TRIM29: variants seen among roughly 807,000 people sequenced by gnomAD.
TRIM29 encodes tripartite motif-containing protein 29.
Under a neutral mutation model 57.3 loss-of-function variants are expected in TRIM29, and 52 were observed. The observed-to-expected ratio is 0.91, with a 90% confidence interval of 0.73 to 1.14. The LOEUF (loss-of-function observed/expected upper bound fraction) is 1.14, where lower values mean the gene tolerates loss of function less well. Among genes scored for constraint, TRIM29 ranks in the 50% most tolerant of loss-of-function variants. The pLI, the probability that TRIM29 is intolerant of heterozygous loss-of-function variation, is 0.00. For synonymous variants in TRIM29, 319 were observed against 316.9 expected, an observed-to-expected ratio of 1.01 and a Z score of -0.07; for missense variants, 753 against 774.6, an observed-to-expected ratio of 0.97 and a Z score of 0.33.
rs778016626 is a variant in TRIM29, at chr11:120,112,471, G to A, written c.1710C>T (p.His570=). The A allele has an allele frequency of 1.2e-6, 2 of 1,613,708 alleles. No individual in the cohort carries two copies. The highest frequency in any genetic ancestry group is 1.7e-6 in the Non-Finnish European group (2 of 1,179,826). Residue 570 remains histidine (H), a synonymous_variant, in exon 9 of 9, where the codon CAC becomes CAT. Transcript: ENST00000341846. ...WKSGKQTMLS[H]YRPFYVNKGN... is the part of the protein sequence containing the mutation. The stretch of plus-strand genomic sequence containing the variant: ...CTTTGTTGACGTAGAATGGCCGGTA[G>A]TGAGACTGTGGGGGAAACAAGAGTG...
intron 2 of TRIM29, 37 bp from the exon 3 acceptor site, chr11:120,127,606 C>A: frequency 6.3e-7 from 1 of 1,584,352 alleles, no homozygotes; most frequent in Non-Finnish European, 8.6e-7. Context: ...TTAGGCAGGG[C>A]TTTAGTTAGG....
chr11:120,136,963 T>C (rs950605221), intron 1 of TRIM29, among the ~76,000 whole-genome samples: 1 of 152,168 alleles, frequency 6.6e-6, no homozygotes, highest in Non-Finnish European at 1.5e-5. Context: ...GGTCAGGCCC[T>C]CAACCTTTTC....
chr11:120,134,587 G>A (rs1420571016), intron 1 of TRIM29, among the ~76,000 whole-genome samples: 1 of 152,194 alleles, frequency 6.6e-6, no homozygotes, highest in Non-Finnish European at 1.5e-5. Context: ...TCAGTCTCCT[G>A]GCTTCCTGGC....
At chr11:120,119,793 TCC>T (rs1863388115) in intron 6 of TRIM29, among the ~76,000 whole-genome samples, 3 of 151,948 alleles carry the variant, frequency 2.0e-5, no homozygotes, top group African/African-American at 4.8e-5. Flanking sequence ...GCTGACCCAG[TCC>T]CCTCCCTCCC....
intron 4 of TRIM29, 147 bp from the exon 5 acceptor site, chr11:120,123,202 A>G (rs1432756857): frequency 6.9e-6 from 5 of 721,100 alleles, no homozygotes; most frequent in Admixed American, 2.0e-5. Context: ...CTCAGAGAAT[A>G]TGACGCCCTG....
In TRIM29 at chr11:120,137,711, T is replaced by C; in HGVS notation, c.321A>G (p.Ala107=). The stretch of plus-strand genomic sequence containing the variant: ...TCTTGGCAGCCCCCAGCTGGAGCCC[T>C]GCGTACGGCGACCTCTTGCCTTCCA... The part of the protein sequence containing the change: ...DSMEGKRSPY[A]GLQLGAAKKP... The change falls in exon 1 of 9, where the codon GCA becomes GCG. Residue 107 remains alanine (A), a synonymous_variant. Coordinates refer to ENST00000341846, the MANE Select transcript of TRIM29 (RefSeq NM_012101.4). This position sits in a 1 kb window ranked among gnomAD's most constrained non-coding sequence, Gnocchi z 6.2. 1 of 1,612,986 alleles carries C rather than the reference T, an allele frequency of 6.2e-7. No homozygotes were observed. Among genetic ancestry groups the C allele is most frequent in the Non-Finnish European group, 8.5e-7 (1 of 1,179,984 alleles).
chr11:120,128,823 G>T (rs1401990330), intron 1 of TRIM29: 25 of 1,521,574 alleles, frequency 1.6e-5, no homozygotes, highest in Non-Finnish European at 2.1e-5. Context: ...TTTACAGGGT[G>T]CTTGCCCTTT....
At chr11:120,113,102 G>A (rs1415211358) in intron 8 of TRIM29, among the ~76,000 whole-genome samples, 1 of 152,016 alleles carries the variant, frequency 6.6e-6, no homozygotes. Context: ...GCCTCTCTCT[G>A]CATAAATTTC....
Position 120,137,636 on chromosome 11 carries a change from G to A in TRIM29, c.396C>T (p.Phe132=). The change falls in exon 1 of 9, where the codon TTC becomes TTT. Residue 132 remains phenylalanine, a synonymous_variant. Transcript: ENST00000341846. The surrounding 1 kb of genome is among the most constrained non-coding windows in gnomAD (Gnocchi z 6.2). ...ACACCGTGGGCTTCCGGGACTCCGAGAAAATGGACTTGCGCAGCTCGCCCT... is the reference window on the plus strand; with the variant it reads ...ACACCGTGGGCTTCCGGGACTCCGAAAAAATGGACTTGCGCAGCTCGCCCT... ...AEKGELRKSI[F]SESRKPTVSI... is the part of the protein sequence containing the mutation. 1.2e-6 allele frequency: 2 copies of A among 1,613,724 alleles called. No individual in the cohort carries two copies. Among genetic ancestry groups the A allele is most frequent in the Middle Eastern group, 1.6e-4 (1 of 6,062 alleles).
chr11:120,133,950 G>T (rs552264404), intron 1 of TRIM29, among the ~76,000 whole-genome samples: 36 of 152,166 alleles, frequency 2.4e-4, no homozygotes, highest in African/African-American at 8.2e-4. Flanking sequence ...ACAGTGCAGG[G>T]CCCCCCAAGA....
chr11:120,123,462 C>T (rs1271727416), intron 4 of TRIM29: 3 of 458,622 alleles, frequency 6.5e-6, no homozygotes, highest in Non-Finnish European at 1.3e-5. Context: ...TGTCACATGC[C>T]GATAAGGGCA....
chr11:120,125,329 T>C (rs1355804473), intron 4 of TRIM29: 1 of 287,818 alleles, frequency 3.5e-6, no homozygotes, highest in East Asian at 7.8e-5. Context: ...ATCTGGCCCA[T>C]ACTAGTGGCA....
intron 8 of TRIM29, among the ~76,000 whole-genome samples, chr11:120,113,118 C>T (rs1365756416): frequency 6.6e-6 from 1 of 152,046 alleles, no homozygotes; most frequent in Non-Finnish European, 1.5e-5. Flanking sequence ...ATTTCCCTTA[C>T]AGAAAGGGTG....
At chr11:120,130,088 C>G (rs906321079) in intron 1 of TRIM29, among the ~76,000 whole-genome samples, 5 of 152,104 alleles carry the variant, frequency 3.3e-5, no homozygotes, top group African/African-American at 1.2e-4. Context: ...AAACTCGACC[C>G]TCACACTCTC....
chr11:120,129,001 G>C (rs945799313), intron 1 of TRIM29: 1 of 1,067,758 alleles, frequency 9.4e-7, no homozygotes, highest in African/African-American at 1.6e-5. Context: ...CGTGGACTCC[G>C]TCTGGGCAGG....
rs181802780 is a variant in TRIM29, at chr11:120,118,236, G to A, written c.1614C>T (p.Ser538=). The A allele has an allele frequency of 1.2e-4, 187 of 1,614,018 alleles. 1 individual carries two copies. The East Asian group carries it at 4.1e-3, about 35-fold the overall frequency. ...GGGCAAGCTCACCTTTCAGGGAGAA[G>A]GAGGAGCTGCCTTGGACGACGGGCA... ...NDLPVVQGSS[S]FSLKGYPSLM... Residue 538 remains serine, a synonymous_variant, in exon 7 of 9, where the codon TCC becomes TCT. Transcript: ENST00000341846.
chr11:120,127,617 G>A (rs1591327606), intron 2 of TRIM29, 48 bp from the exon 3 acceptor site: 1 of 1,548,854 alleles, frequency 6.5e-7, no homozygotes, highest in Non-Finnish European at 8.8e-7. Flanking sequence ...TTTAGTTAGG[G>A]AAAGAAATCA....
At chr11:120,113,396 G>T in intron 8 of TRIM29, 1 of 288,270 alleles carries the variant, frequency 3.5e-6, no homozygotes, top group Non-Finnish European at 7.0e-6. Flanking sequence ...CAGCTTAGCT[G>T]CTGCTCACCC....
intron 4 of TRIM29, chr11:120,123,353 GC>G (rs1458507753): frequency 1.7e-6 from 1 of 582,084 alleles, no homozygotes; most frequent in Admixed American, 2.2e-5. Flanking sequence ...TGCTATTAAT[GC>G]CCATTTCTTA....
Sources: gnomAD v4.1 joint callset for allele counts (sites outside exome capture counted in the v4.1 genomes callset) on GRCh38, gnomAD v4.1.1 for gene constraint, Gnocchi (gnomAD v3.1) non-coding constraint, MANE v1.5 for transcripts, NCBI Gene and HGNC (gene_info 2026-07-23, HGNC 2026-07-21) for gene names.